The following SETX variants were observed in gnomAD, a reference collection of about 807,000 sequenced individuals.
SETX encodes senataxin.
In SETX, 90 loss-of-function variants were observed where a neutral mutation model predicts 227.2. The observed-to-expected ratio is 0.40, with a 90% CI of 0.33 to 0.47. SETX has a LOEUF of 0.47. Among genes scored for constraint, SETX ranks in the 20% least tolerant of loss-of-function variants. SETX has a pLI of 0.91. For synonymous variants in SETX, 1,210 were observed against 1,113.2 expected, an observed-to-expected ratio of 1.09 and a Z score of -1.73; for missense variants, 3,052 against 3,181.5, an observed-to-expected ratio of 0.96 and a Z score of 0.98.
At chr9:132,340,421 G>A (rs1411054484) in intron 5 of SETX, among the ~76,000 whole-genome samples, 1 of 152,202 alleles carries the variant, frequency 6.6e-6, no homozygotes, top group Non-Finnish European at 1.5e-5. Flanking sequence ...TTTAGTTTGT[G>A]AATTCCTTTT....
Position 132,264,105 on chromosome 9 carries a change from A to C in SETX, c.*134T>G, listed in dbSNP as rs1289153991. On this transcript the variant is annotated 3_prime_UTR_variant, in exon 26 of 26. Coordinates refer to ENST00000224140, the MANE Select transcript of SETX (RefSeq NM_015046.7). Reference sequence around the variant, plus strand: ...GAAGATGACCAGAGGCTCAGGTGTTAAGGATGCATTTTCCATGTTTTCCAA... The same window carrying C: ...GAAGATGACCAGAGGCTCAGGTGTTCAGGATGCATTTTCCATGTTTTCCAA... 1 of 1,261,080 alleles carries C rather than the reference A, an allele frequency of 7.9e-7. No individual in the cohort carries two copies. 78.1% of individuals were successfully genotyped at this position (1,261,080 alleles called of 1,614,324 possible). A position where few individuals can be genotyped will look rare whatever the true frequency, so the allele number is the denominator to read the frequency against.
chr9:132,321,226 A>C (rs1232947144), intron 10 of SETX, among the ~76,000 whole-genome samples: 1 of 152,098 alleles, frequency 6.6e-6, no homozygotes, highest in Non-Finnish European at 1.5e-5. Context: ...ATAAAGACTA[A>C]AGACATTGGG....
intron 1 of SETX, among the ~76,000 whole-genome samples, chr9:132,354,495 CA>C (rs11316762): frequency 0.66 from 56,340 of 85,274 alleles, 17,083 homozygotes; most frequent in Non-Finnish European, 0.75. Context: ...GACCCCGTCT[CA>C]AAAAAAAAAA....
chr9:132,355,568 G>A (rs1159576466), upstream of SETX, among the ~76,000 whole-genome samples: 4 of 152,232 alleles, frequency 2.6e-5, no homozygotes, highest in Non-Finnish European at 5.9e-5. Flanking sequence ...TCGCTGGTGC[G>A]GTGGCTCCCG....
At chr9:132,332,809 T>C (rs1455669222) in intron 7 of SETX, among the ~76,000 whole-genome samples, 1 of 151,328 alleles carries the variant, frequency 6.6e-6, no homozygotes, top group African/African-American at 2.4e-5. Flanking sequence ...TGGCCCCAGT[T>C]ACTAGGGAGT....
At position 132,327,800 on chromosome 9, in the gene SETX, A is replaced by G; in HGVS notation, c.3798T>C (p.Pro1266=). The G allele has an allele frequency of 6.2e-7, 1 of 1,614,216 alleles. No individual in the cohort carries two copies. Among genetic ancestry groups the G allele is most frequent in the Non-Finnish European group, 8.5e-7 (1 of 1,180,040 alleles). The change falls in exon 10 of 26, where the codon CCT becomes CCC. Residue 1266 remains proline, a synonymous_variant. Transcript: ENST00000224140. ...SSNYLSCRTT[P]AIVPPKKFRQ... ...GAAATTTCTTTGGCGGCACTATAGC[A>G]GGAGTTGTTCTACAACTTAGGTAAT...
At chr9:132,304,776 T>C (rs1845223881) in intron 11 of SETX, among the ~76,000 whole-genome samples, 1 of 150,890 alleles carries the variant, frequency 6.6e-6, no homozygotes, top group Non-Finnish European at 1.5e-5. Flanking sequence ...GGCAGGAGGA[T>C]AACCTGAGGT....
Position 132,264,040 on chromosome 9 carries a change from C to A in SETX, c.*199G>T, listed in dbSNP as rs1367531563. 2 of 662,848 alleles carry A rather than the reference C, an allele frequency of 3.0e-6. No homozygotes were observed. Among genetic ancestry groups the A allele is most frequent in the East Asian group, 2.7e-5 (1 of 36,372 alleles). 41.1% of individuals were successfully genotyped at this position (662,848 alleles called of 1,614,324 possible). On this transcript the variant is annotated 3_prime_UTR_variant, in exon 26 of 26. Transcript: ENST00000224140. ...CTTCAAGGACATTATTACGGATACACAATGCCCTCTGAAAGCTTTTGCAAA... is the reference window on the plus strand; with the variant it reads ...CTTCAAGGACATTATTACGGATACAAAATGCCCTCTGAAAGCTTTTGCAAA...
intron 18 of SETX, among the ~76,000 whole-genome samples, chr9:132,286,139 C>T (rs1368919426): frequency 1.3e-5 from 2 of 148,472 alleles, no homozygotes; most frequent in Non-Finnish European, 3.0e-5. Context: ...GCCAAGATCA[C>T]GCCACTATAC....
intron 11 of SETX, among the ~76,000 whole-genome samples, chr9:132,302,253 A>G (rs1469731933): frequency 1.3e-5 from 2 of 148,786 alleles, no homozygotes; most frequent in African/African-American, 5.0e-5. Context: ...GCTACTCGGG[A>G]GGCCGAGGCA....
intron 19 of SETX, 62 bp from the exon 20 acceptor site, chr9:132,281,636 T>C (rs2131201521): frequency 2.6e-6 from 3 of 1,173,352 alleles, no homozygotes; most frequent in Non-Finnish European, 3.8e-6. Context: ...CCATATAGTT[T>C]ATCTGATTAA....
At chr9:132,311,023 G>A (rs1324894993) in intron 11 of SETX, among the ~76,000 whole-genome samples, 1 of 152,174 alleles carries the variant, frequency 6.6e-6, no homozygotes, top group Non-Finnish European at 1.5e-5. Context: ...CTGGAGTGCA[G>A]TGGCGCTATT....
Position 132,298,202 on chromosome 9 carries a change from G to A in SETX, c.5659C>T (p.Gln1887Ter). The change falls in exon 13 of 26, where the codon CAA becomes TAA. Residue 1887 changes from glutamine to a stop codon, truncating the protein, a stop_gained. Coordinates refer to ENST00000224140, the MANE Select transcript of SETX (RefSeq NM_015046.7). LOFTEE classifies it high-confidence loss of function. Reference sequence around the variant, plus strand: ...AGAGACATGGCTTTCAACTTCCTTTGTGTAGTTACCAGAGAACTGATTACA... The same window carrying A: ...AGAGACATGGCTTTCAACTTCCTTTATGTAGTTACCAGAGAACTGATTACA... ...CIVISSLVTT[Q>*]RKLKAMSLLG... 4 of 1,613,986 alleles carry A rather than the reference G, an allele frequency of 2.5e-6. No individual in the cohort carries two copies. The highest frequency in any genetic ancestry group is 3.4e-6 in the Non-Finnish European group (4 of 1,179,958).
chr9:132,323,662 G>C (rs560908586), intron 10 of SETX, among the ~76,000 whole-genome samples: 2 of 152,320 alleles, frequency 1.3e-5, no homozygotes, highest in East Asian at 3.9e-4. Context: ...AGCACTTTGA[G>C]AGGCAAAGGC....
At chr9:132,296,432 A>G (rs1428388646) in intron 14 of SETX, among the ~76,000 whole-genome samples, 7 of 152,278 alleles carry the variant, frequency 4.6e-5, no homozygotes, top group African/African-American at 4.8e-5. Flanking sequence ...GTACGCCTGT[A>G]ATCCCAGCCA....
At chr9:132,335,494 A>T (rs1254776408) in intron 6 of SETX, among the ~76,000 whole-genome samples, 5 of 122,992 alleles carry the variant, frequency 4.1e-5, no homozygotes, top group African/African-American at 1.5e-4. Context: ...TTTTTTTTTT[A>T]GGAGACAGGA....
chr9:132,333,553 G>T (rs1158922090), intron 7 of SETX, among the ~76,000 whole-genome samples: 1 of 151,498 alleles, frequency 6.6e-6, no homozygotes, highest in Non-Finnish European at 1.5e-5. Context: ...AAGAGAATGA[G>T]GGGAAAAAAT....
In SETX at chr9:132,334,626, T is replaced by C. The variant is rs753713810; in HGVS notation, c.820A>G (p.Met274Val). Reference sequence around the variant, plus strand: ...TTATTACCATCTGCTTCCCTCTCCATAGTGTGAAGTATCGATTGCATAAAA... The same window carrying C: ...TTATTACCATCTGCTTCCCTCTCCACAGTGTGAAGTATCGATTGCATAAAA... ...NDFMQSILHT[M>V]EREADDDSVD... Residue 274 changes from methionine (M) to valine (V), a missense_variant, in exon 7 of 26, where the codon ATG (methionine) becomes GTG (valine). Around this residue, in one of 10 missense-constraint regions of SETX, gnomAD observed 239 missense variants for 240.8 expected, o/e 0.99. Transcript: ENST00000224140. 53 of 1,613,782 alleles carry C rather than the reference T, an allele frequency of 3.3e-5. No homozygotes were observed. Among genetic ancestry groups the C allele is most frequent in the Non-Finnish European group, 4.1e-5 (48 of 1,179,850 alleles).
At chr9:132,334,429 CA>C (rs1847462136) in intron 7 of SETX, among the ~76,000 whole-genome samples, 178 bp downstream of exon 7, 1 of 152,170 alleles carries the variant, frequency 6.6e-6, no homozygotes, top group Non-Finnish European at 1.5e-5. Flanking sequence ...GCCTGGGCAA[CA>C]AGAGTATGAC....
Sources: allele counts gnomAD v4.1 joint callset (sites outside exome capture counted in the v4.1 genomes callset), GRCh38; gene constraint gnomAD v4.1.1; regional missense constraint gnomAD v4.1.1; transcripts MANE v1.5; gene names NCBI Gene and HGNC (gene_info 2026-07-23, HGNC 2026-07-21).